Variants in TG observed in about 807,000 individuals in gnomAD.
TG encodes thyroglobulin.
In TG, 270 loss-of-function variants were observed where a neutral mutation model predicts 324.7. The observed-to-expected ratio is 0.83, with a 90% confidence interval of 0.75 to 0.92. The LOEUF is 0.92. Among genes scored for constraint, TG ranks in the 40% least tolerant of loss-of-function variants. The pLI is 0.00. For missense variants in TG, 3,591 were observed against 3,456.4 expected (o/e 1.04, Z -0.98); for synonymous variants, 1,401 against 1,327.0 (o/e 1.06, Z -1.21).
chr8:132,888,141 T>G lies in TG; in HGVS notation c.2334T>G (p.Pro778=). The G allele has an allele frequency of 6.2e-7, 1 of 1,613,460 alleles. No homozygotes were observed. The highest frequency in any genetic ancestry group is 1.1e-5 in the South Asian group (1 of 91,052). ...QWRQVQCNGP[P]EQVFELYQRW... ...GACAAGTGCAATGCAATGGGCCTCC[T>G]GAGCAGGTCTTCGAGTTGTACCAAC... Residue 778 remains proline, a synonymous_variant, in exon 10 of 48, where the codon CCT becomes CCG. Transcript: ENST00000220616.
At chr8:133,058,233 G>C (rs1043854167) in intron 41 of TG, among the ~76,000 whole-genome samples, 1 of 152,156 alleles carries the variant, frequency 6.6e-6, no homozygotes, top group African/African-American at 2.4e-5. Context: ...ATGATCGGGG[G>C]AACGTTTCAG....
intron 41 of TG, among the ~76,000 whole-genome samples, chr8:133,052,000 T>C (rs986823431): frequency 6.6e-6 from 1 of 152,182 alleles, no homozygotes; most frequent in African/African-American, 2.4e-5. Flanking sequence ...TTCTACAGGA[T>C]ACATAAATAG....
chr8:133,116,064 G>C (rs1850654717), intron 44 of TG, among the ~76,000 whole-genome samples: 2 of 151,916 alleles, frequency 1.3e-5, no homozygotes, highest in African/African-American at 4.8e-5. Flanking sequence ...ATGTCTCCAA[G>C]CATTGCCAAA....
At chr8:132,984,501 GTAGGGCT>G (rs1329078418) in intron 35 of TG, among the ~76,000 whole-genome samples, 4 of 152,204 alleles carry the variant, frequency 2.6e-5, no homozygotes, top group African/African-American at 9.6e-5. Flanking sequence ...AGATGGTGGA[GTAGGGCT>G]TAGAGACAGA....
chr8:133,006,327 C>T (rs369596207), intron 35 of TG, among the ~76,000 whole-genome samples: 33 of 152,322 alleles, frequency 2.2e-4, no homozygotes, highest in African/African-American at 7.2e-4. Context: ...GGACGTGTGT[C>T]GGAATCACCA....
intron 35 of TG, among the ~76,000 whole-genome samples, chr8:132,991,843 C>G (rs1258898783): frequency 6.6e-6 from 1 of 152,118 alleles, no homozygotes; most frequent in African/African-American, 2.4e-5. Context: ...AGCCTCACAT[C>G]TGGCAGCCCC....
rs766850737 is a variant in TG, at chr8:133,019,558, G to A, written c.6783-44G>A. On this transcript the variant is annotated intron_variant, in intron 38 of 47. Coordinates refer to ENST00000220616, the MANE Select transcript of TG (RefSeq NM_003235.5). Reference sequence around the variant, plus strand: ...ACCATGGTGGTGGGTGGGGAGGGGTGGTGATGGAGCATGTCTTGGAAGTCA... The same window carrying A: ...ACCATGGTGGTGGGTGGGGAGGGGTAGTGATGGAGCATGTCTTGGAAGTCA... The A allele has an allele frequency of 7.1e-6, 11 of 1,548,512 alleles. 1 individual carries two copies. Among genetic ancestry groups the A allele is most frequent in the South Asian group, 2.2e-5 (2 of 89,400 alleles).
At chr8:132,904,081 C>T (rs185599045) in intron 16 of TG, among the ~76,000 whole-genome samples, 152 of 152,334 alleles carry the variant, frequency 1.0e-3, no homozygotes, top group Non-Finnish European at 1.6e-3. Context: ...GCTCAGAGCA[C>T]AACACTTCCT....
chr8:133,101,302 C>T (rs1217192577), intron 43 of TG, among the ~76,000 whole-genome samples: 1 of 152,182 alleles, frequency 6.6e-6, no homozygotes, highest in Non-Finnish European at 1.5e-5. Flanking sequence ...TGAGGAAACT[C>T]CTCTGGACTT....
At chr8:133,026,996 G>A (rs1202202582) in intron 40 of TG, among the ~76,000 whole-genome samples, 5 of 152,216 alleles carry the variant, frequency 3.3e-5, no homozygotes, top group African/African-American at 1.2e-4. Context: ...CCGTTTTACA[G>A]ATGCAGAAAA....
Position 132,911,357 on chromosome 8 carries a change from A to G in TG, c.4003-20A>G, listed in dbSNP as rs1819498755. 1.2e-6 allele frequency: 2 copies of G among 1,614,098 alleles called. No individual in the cohort carries two copies. Among genetic ancestry groups the G allele is most frequent in the South Asian group, 1.1e-5 (1 of 91,076 alleles). Reference sequence around the variant, plus strand: ...TTTCTACTCTGTGTTCTTGAGCTGAAAGTGTCTGTCTTCTTGTAGGTGAAG... The same window carrying G: ...TTTCTACTCTGTGTTCTTGAGCTGAGAGTGTCTGTCTTCTTGTAGGTGAAG... On this transcript the variant is annotated intron_variant, in intron 18 of 47. Transcript: ENST00000220616.
chr8:132,919,404 A>C lies in TG; in HGVS notation c.4407A>C (p.Gln1469His). ...CVKCPEGSYS[Q>H]DEECIPCPVG... ...AGTGTCCTGAAGGAAGCTATTCCCA[A>C]GATGAGGAATGCATTCCTTGTCCTG... The change falls in exon 21 of 48, where the codon CAA becomes CAC. Residue 1469 changes from glutamine (Q) to histidine (H), a missense_variant. By Grantham distance (24) the Gln-to-His change is conservative. Transcript: ENST00000220616. 1.2e-6 allele frequency: 2 copies of C among 1,614,130 alleles called. No individual in the cohort carries two copies. Among genetic ancestry groups the C allele is most frequent in the Non-Finnish European group, 1.7e-6 (2 of 1,180,026 alleles).
intron 11 of TG, among the ~76,000 whole-genome samples, chr8:132,894,559 A>G (rs927574233): frequency 6.6e-6 from 1 of 152,076 alleles, no homozygotes; most frequent in East Asian, 1.9e-4. Context: ...CCTGGGCTCA[A>G]GCAATCCTCC....
intron 13 of TG, 79 bp from the exon 14 acceptor site, chr8:132,898,719 A>G (rs1338458750): frequency 2.4e-6 from 3 of 1,248,888 alleles, no homozygotes; most frequent in Non-Finnish European, 3.5e-6. Context: ...ATGACCCTTA[A>G]AGGTGGGGTC....
chr8:132,937,996 G>A (rs1343935243), intron 25 of TG, among the ~76,000 whole-genome samples: 2 of 152,166 alleles, frequency 1.3e-5, no homozygotes, highest in African/African-American at 2.4e-5. Context: ...TGGAGTGGAG[G>A]AGGAGGGGAG....
At chr8:132,880,527 C>CT (rs1439781035) in intron 5 of TG, among the ~76,000 whole-genome samples, 1 of 152,186 alleles carries the variant, frequency 6.6e-6, no homozygotes, top group African/African-American at 2.4e-5. Context: ...AACACGCTTA[C>CT]TGTAACATTC....
At chr8:133,045,115 C>T (rs1330444209) in intron 41 of TG, 1 of 1,614,070 alleles carries the variant, frequency 6.2e-7, no homozygotes. Flanking sequence ...TGAGTAAAAC[C>T]CTGCAGGAGG....
chr8:132,990,672 G>A (rs966406176), intron 35 of TG, among the ~76,000 whole-genome samples: 1 of 152,054 alleles, frequency 6.6e-6, no homozygotes, highest in South Asian at 2.1e-4. Context: ...CAATCACCAT[G>A]CTAAATGCTT....
Position 133,116,775 on chromosome 8 carries a change from C to T in TG, c.7862+59C>T, listed in dbSNP as rs1850729380. 2.0e-5 allele frequency: 28 copies of T among 1,432,270 alleles called. No homozygotes were observed. The South Asian group carries it at 2.3e-4, about 12-fold the overall frequency. The allele number at this position is 1,432,270 out of a possible 1,614,324, so 88.7% of individuals were successfully genotyped here. The stretch of plus-strand genomic sequence containing the variant: ...TAAAACCGAATGATAAGTCCCAGTT[C>T]GATGACATGGGACACACCACTTAAC... On this transcript the variant is annotated intron_variant, in intron 45 of 47. Coordinates refer to ENST00000220616, the MANE Select transcript of TG (RefSeq NM_003235.5).
Sources: gnomAD v4.1 joint callset for allele counts (sites outside exome capture counted in the v4.1 genomes callset) on GRCh38, gnomAD v4.1.1 for gene constraint, MANE v1.5 for transcripts, NCBI Gene and HGNC (gene_info 2026-07-23, HGNC 2026-07-21) for gene names.